The following FAM193A variants were observed in gnomAD, a reference collection of about 807,000 sequenced individuals.
FAM193A encodes the protein family with sequence similarity 193 member A.
In FAM193A, 22 loss-of-function variants were observed where a neutral mutation model predicts 126.5. The observed-to-expected ratio is 0.17, with a 90% CI of 0.12 to 0.25. The LOEUF is 0.25. Ranked by LOEUF, FAM193A falls within the 10% of genes least tolerant of loss-of-function variation. The pLI, the probability that FAM193A is intolerant of heterozygous loss-of-function variation, is 1.00. For synonymous variants in FAM193A, 761 were observed against 646.8 expected (o/e 1.18, Z -2.68); for missense variants, 1,675 against 1,672.8 (o/e 1.00, Z -0.02).
chr4:2,632,397 C>G (rs1743680779), intron 5 of FAM193A, among the ~76,000 whole-genome samples: 1 of 151,936 alleles, frequency 6.6e-6, no homozygotes, highest in Non-Finnish European at 1.5e-5. Flanking sequence ...GAGACCCCAC[C>G]TATACCAAAA....
At chr4:2,691,741 A>G (rs1716404317) in intron 15 of FAM193A, among the ~76,000 whole-genome samples, 1 of 150,796 alleles carries the variant, frequency 6.6e-6, no homozygotes, top group Non-Finnish European at 1.5e-5. Flanking sequence ...GGAGTTTGAG[A>G]CTAGCCTGGG....
chr4:2,721,797 G>A (rs887444235), intron 20 of FAM193A, among the ~76,000 whole-genome samples: 1 of 152,210 alleles, frequency 6.6e-6, no homozygotes, highest in Admixed American at 6.5e-5. Context: ...ACACTTGTGT[G>A]CACGACTAGA....
At chr4:2,592,169 G>T (rs1016989335) in intron 1 of FAM193A, among the ~76,000 whole-genome samples, 9 of 152,000 alleles carry the variant, frequency 5.9e-5, no homozygotes, top group Non-Finnish European at 1.2e-4. Flanking sequence ...TCCGCTTGCC[G>T]CAACCTCCGC....
chr4:2,637,768 G>T (rs1404401204), intron 5 of FAM193A, among the ~76,000 whole-genome samples: 1 of 152,190 alleles, frequency 6.6e-6, no homozygotes, highest in Non-Finnish European at 1.5e-5. Context: ...GATGGGGCAT[G>T]GGCAGGGCAC....
intron 20 of FAM193A, among the ~76,000 whole-genome samples, chr4:2,726,190 C>T (rs775645146): frequency 1.3e-5 from 2 of 152,136 alleles, no homozygotes; most frequent in Non-Finnish European, 2.9e-5. Context: ...TGAGCCACCA[C>T]GCCCAGCCTC....
In FAM193A at chr4:2,662,840, G is replaced by A. The variant is rs763363413; in HGVS notation, c.1748G>A (p.Cys583Tyr). The change falls in exon 11 of 21, where the codon TGT becomes TAT. Residue 583 changes from cysteine to tyrosine, a missense_variant and splice_region_variant. Physicochemically the swap from Cys to Tyr is radical, Grantham distance 194. Transcript: ENST00000637812. ...GTGACCATCTCTGCTTGTGTCAGTTGTAGTGATGATGAAGATGTTGCACCA... is the reference window on the plus strand; with the variant it reads ...GTGACCATCTCTGCTTGTGTCAGTTATAGTGATGATGAAGATGTTGCACCA... ...LTDSGSAPTFCSDDEDVAPLS... is the reference protein window; with the variant it reads ...LTDSGSAPTFYSDDEDVAPLS... 1.2e-6 allele frequency: 2 copies of A among 1,608,168 alleles called. No homozygotes were observed. The highest frequency in any genetic ancestry group is 1.3e-5 in the African/African-American group (1 of 74,750).
intron 18 of FAM193A, among the ~76,000 whole-genome samples, 192 bp from the exon 19 acceptor site, chr4:2,699,488 A>T (rs1717447263): frequency 6.7e-6 from 1 of 149,000 alleles, no homozygotes; most frequent in African/African-American, 2.5e-5. Context: ...ACTTTAGTAA[A>T]TAGATGAAGT....
intron 2 of FAM193A, among the ~76,000 whole-genome samples, chr4:2,599,139 TC>T (rs1410472675): frequency 6.6e-6 from 1 of 152,184 alleles, no homozygotes; most frequent in African/African-American, 2.4e-5. Flanking sequence ...GTGGGAACAT[TC>T]GTTTTGGGGC....
intron 5 of FAM193A, among the ~76,000 whole-genome samples, chr4:2,631,594 C>A (rs1433322571): frequency 6.6e-6 from 1 of 152,212 alleles, no homozygotes; most frequent in African/African-American, 2.4e-5. Context: ...CTGTAGAGAA[C>A]AGCTTGTTTA....
At chr4:2,563,512 C>G (rs1738752820) in intron 1 of FAM193A, among the ~76,000 whole-genome samples, 1 of 149,180 alleles carries the variant, frequency 6.7e-6, no homozygotes, top group African/African-American at 2.5e-5. Flanking sequence ...CAAGACCAAT[C>G]TGGTCATCTC....
intron 2 of FAM193A, among the ~76,000 whole-genome samples, chr4:2,603,699 T>C: frequency 6.6e-6 from 1 of 151,708 alleles, no homozygotes; most frequent in East Asian, 1.9e-4. Context: ...GACCTCGTGA[T>C]CTGCCCACCT....
intron 1 of FAM193A, among the ~76,000 whole-genome samples, chr4:2,541,653 C>T (rs1450583780): frequency 6.6e-6 from 1 of 151,770 alleles, no homozygotes; most frequent in African/African-American, 2.4e-5. Flanking sequence ...ACCATGTTGG[C>T]TAGGATGGTT....
intron 19 of FAM193A, among the ~76,000 whole-genome samples, chr4:2,702,918 ATTGCGTTT>A (rs1192517534): frequency 1.3e-5 from 2 of 152,168 alleles, no homozygotes; most frequent in Admixed American, 1.3e-4. Context: ...AACACACCTG[ATTGCGTTT>A]TTCCATTTGT....
chr4:2,602,594 C>G (rs1312748545), intron 2 of FAM193A, among the ~76,000 whole-genome samples: 1 of 152,006 alleles, frequency 6.6e-6, no homozygotes, highest in Non-Finnish European at 1.5e-5. Context: ...CTCAGGTGAT[C>G]CACCCACCTT....
chr4:2,616,222 C>T (rs1229976626), intron 2 of FAM193A, among the ~76,000 whole-genome samples: 2 of 152,220 alleles, frequency 1.3e-5, no homozygotes, highest in East Asian at 3.8e-4. Flanking sequence ...AATGCCACCA[C>T]CATCATCATC....
rs191480386 is a variant in FAM193A, at chr4:2,715,741, G to A, written c.4373-282G>A. 5.9e-3 allele frequency among the ~76,000 whole-genome samples: 903 copies of A among 152,286 alleles called. 7 individuals are homozygous for A. Among genetic ancestry groups the A allele is most frequent in the Non-Finnish European group, 8.8e-3 (597 of 68,022 alleles). ...TCTGATGGGCTGCCTGTCATATAAT[G>A]ACCAGTCACATGGGGAGTCTAGGTT... is the stretch of plus-strand genomic sequence containing the variant. On this transcript the variant is annotated intron_variant, in intron 19 of 20. Coordinates refer to ENST00000637812, the MANE Select transcript of FAM193A (RefSeq NM_001366318.2).
chr4:2,653,253 A>T (rs144652897), intron 7 of FAM193A, among the ~76,000 whole-genome samples: 1 of 152,206 alleles, frequency 6.6e-6, no homozygotes, highest in Admixed American at 6.5e-5. Context: ...TTGAAATATT[A>T]TATATGGTAT....
chr4:2,647,390 C>A (rs548605824), intron 7 of FAM193A, among the ~76,000 whole-genome samples: 163 of 152,270 alleles, frequency 1.1e-3, no homozygotes, highest in Non-Finnish European at 1.8e-3. Context: ...AGGTGGTTTC[C>A]CTGCCTCAGC....
chr4:2,640,324 A>G (rs1310874946), intron 6 of FAM193A, among the ~76,000 whole-genome samples: 2 of 151,994 alleles, frequency 1.3e-5, no homozygotes, highest in African/African-American at 2.4e-5. Context: ...TAGCGCATCC[A>G]TGTGGCTTCT....
Sources: gnomAD v4.1 joint callset for allele counts (sites outside exome capture counted in the v4.1 genomes callset) on GRCh38, gnomAD v4.1.1 for gene constraint, MANE v1.5 for transcripts, NCBI Gene and HGNC (gene_info 2026-07-23, HGNC 2026-07-21) for gene names.